The following MROH1 variants were observed in gnomAD, a reference collection of about 807,000 sequenced individuals.
The protein encoded by MROH1 is maestro heat-like repeat-containing protein family member 1.
Under a neutral mutation model 116.5 loss-of-function variants are expected in MROH1, and 117 were observed. The ratio of observed to expected loss-of-function variants is 1.00; its 90% CI spans 0.86 to 1.17. The LOEUF is 1.17. MROH1 is among the 50% of genes most tolerant of loss of function. The pLI is 0.00. For missense variants in MROH1, 1,873 were observed against 1,338.5 expected, an observed-to-expected ratio of 1.40 and a Z score of -6.23; for synonymous variants, 921 against 583.9, an observed-to-expected ratio of 1.58 and a Z score of -8.32.
intron 32 of MROH1, 67 bp downstream of exon 32, chr8:144,249,096 G>A: frequency 5.7e-6 from 4 of 704,796 alleles, no homozygotes; most frequent in South Asian, 1.5e-5. Context: ...GGGACGGGCA[G>A]GGCAGGAGTG....
chr8:144,258,899 C>G lies in MROH1; in HGVS notation c.3914C>G (p.Ala1305Gly). 1.3e-6 allele frequency: 1 copy of G among 757,108 alleles called. No individual in the cohort carries two copies. Among genetic ancestry groups the G allele is most frequent in the South Asian group, 1.4e-5 (1 of 71,122 alleles). 46.9% of individuals were successfully genotyped at this position (757,108 alleles called of 1,614,324 possible). A position where few individuals can be genotyped will look rare whatever the true frequency, so the allele number is the denominator to read the frequency against. Residue 1305 changes from alanine (A) to glycine (G), a missense_variant, in exon 36 of 44, where the codon GCC (alanine) becomes GGC (glycine). Coordinates refer to ENST00000326134, the MANE Select transcript of MROH1 (RefSeq NM_032450.3). ...ACCTCGGCGGGGCATGAGGAGGGGG[C>G]CACCAGGTTGGCCAGGTGAGCGGGC... ...LRTSAGHEEG[A>G]TRLARAMAEH...
At chr8:144,205,506 G>A (rs1564472884) in intron 12 of MROH1, among the ~76,000 whole-genome samples, 1 of 66,070 alleles carries the variant, frequency 1.5e-5, no homozygotes, top group Non-Finnish European at 3.0e-5. Context: ...TAAATCCTTT[G>A]CATATATATA....
chr8:144,197,907 C>T (rs2131742444), intron 10 of MROH1, among the ~76,000 whole-genome samples: 1 of 150,654 alleles, frequency 6.6e-6, no homozygotes, highest in South Asian at 2.1e-4. Context: ...AACCCTGTCT[C>T]TATTAAAAAT....
Position 144,168,381 on chromosome 8 carries a change from G to T in MROH1, c.109G>T (p.Glu37Ter), listed in dbSNP as rs766500583. The stretch of plus-strand genomic sequence containing the variant: ...CTGCAGTGCCCTGTGCTCCCTCGGG[G>T]AGGCGCGGCCGGTGGAGACGCTCCG... ...QVCSALCSLG[E>*]ARPVETLRAC... Residue 37 changes from glutamate (E) to a stop codon, truncating the protein, a stop_gained, in exon 4 of 44, where the codon GAG (glutamate) becomes TAG (stop). Coordinates refer to ENST00000326134, the MANE Select transcript of MROH1 (RefSeq NM_032450.3). LOFTEE classifies it high-confidence loss of function. The T allele has an allele frequency of 6.2e-7, 1 of 1,611,916 alleles. No homozygotes were observed. Among genetic ancestry groups the T allele is most frequent in the South Asian group, 1.1e-5 (1 of 91,078 alleles).
intron 4 of MROH1, among the ~76,000 whole-genome samples, chr8:144,170,779 A>G (rs6558310): frequency 0.99 from 150,601 of 152,320 alleles, 74,470 homozygotes; most frequent in East Asian, 1. Flanking sequence ...CTGTGCCACC[A>G]AGGGGTGCTG....
intron 1 of MROH1, among the ~76,000 whole-genome samples, chr8:144,153,333 A>G (rs1203503083): frequency 6.6e-6 from 1 of 151,422 alleles, no homozygotes; most frequent in Non-Finnish European, 1.5e-5. Flanking sequence ...AGTAGTTGGG[A>G]TTACAGGCAC....
intron 14 of MROH1, among the ~76,000 whole-genome samples, chr8:144,227,753 C>T (rs1838070057): frequency 6.6e-6 from 1 of 152,082 alleles, no homozygotes. Context: ...AGTTTGAGAC[C>T]AGCCTGGGCA....
rs1841885678 is a variant in MROH1 at position 144,246,116 on chromosome 8, C to T, written c.2871+856C>T. On this transcript the variant is annotated intron_variant, in intron 29 of 43. Coordinates refer to ENST00000326134, the MANE Select transcript of MROH1 (RefSeq NM_032450.3). Reference sequence around the variant, plus strand: ...TTTCCTTCCTTCCTTTCTTTCCTTTCTTTCCTTTCTGAGACCGAGTCTCTC... The same window carrying T: ...TTTCCTTCCTTCCTTTCTTTCCTTTTTTTCCTTTCTGAGACCGAGTCTCTC... Among the ~76,000 whole-genome samples the T allele has an allele frequency of 2.3e-5, 3 of 130,200 alleles. No individual in the cohort carries two copies. In the Admixed American group the frequency reaches 2.7e-4, roughly 12 times the overall value. The allele number at this position is 130,200 out of a possible 152,430, so 85.4% of individuals were successfully genotyped here. A position where few individuals can be genotyped will look rare whatever the true frequency, so the allele number is the denominator to read the frequency against.
chr8:144,157,254 G>A (rs1002606357), intron 1 of MROH1, among the ~76,000 whole-genome samples: 14 of 152,208 alleles, frequency 9.2e-5, no homozygotes, highest in African/African-American at 2.9e-4. Context: ...GCTAATTTTT[G>A]TATTTTTAGT....
At chr8:144,164,352 C>T (rs1189155600) in intron 3 of MROH1, among the ~76,000 whole-genome samples, 2 of 150,630 alleles carry the variant, frequency 1.3e-5, no homozygotes, top group African/African-American at 4.9e-5. Context: ...TTGCAGTGAG[C>T]CGAGATCGTG....
Position 144,223,227 on chromosome 8 carries a change from G to A in MROH1, c.1335G>A (p.Gln445=). 6.3e-7 allele frequency: 1 copy of A among 1,599,646 alleles called. No homozygotes were observed. Among genetic ancestry groups the A allele is most frequent in the Non-Finnish European group, 8.5e-7 (1 of 1,173,842 alleles). The part of the protein sequence containing the change: ...IVQQCALPPE[Q]EPEKPGPGSK... ...AGCAGTGCGCGCTGCCCCCCGAGCA[G>A]GAGGTAAGGGGCTGCCACCTTGCCT... Residue 445 remains glutamine, a synonymous_variant, in exon 14 of 44, where the codon CAG becomes CAA. Transcript: ENST00000326134.
chr8:144,261,291 G>T lies in MROH1; in HGVS notation c.4782G>T (p.Leu1594=). 1 of 739,288 alleles carries T rather than the reference G, an allele frequency of 1.4e-6. No homozygotes were observed. The highest frequency in any genetic ancestry group is 2.5e-5 in the East Asian group (1 of 39,876). The allele number at this position is 739,288 out of a possible 1,614,324, so 45.8% of individuals were successfully genotyped here. A position where few individuals can be genotyped will look rare whatever the true frequency, so the allele number is the denominator to read the frequency against. ...RAAAPLFTGF[L]VLHSEPRQQP... The stretch of plus-strand genomic sequence containing the variant: ...GATGCCCCCACTTCACAGGGTTCCT[G>T]GTGCTGCACTCGGAGCCCAGGCAGC... Residue 1594 remains leucine, a synonymous_variant, in exon 43 of 44, where the codon CTG becomes CTT. Coordinates refer to ENST00000326134, the MANE Select transcript of MROH1 (RefSeq NM_032450.3).
intron 10 of MROH1, among the ~76,000 whole-genome samples, chr8:144,194,197 T>C (rs1242937692): frequency 1.3e-5 from 2 of 151,830 alleles, no homozygotes; most frequent in African/African-American, 4.8e-5. Context: ...CAAGTAGCTG[T>C]GGTTACAGGC....
intron 4 of MROH1, among the ~76,000 whole-genome samples, chr8:144,178,141 G>GGT (rs1554789613): frequency 3.1e-4 from 40 of 130,118 alleles, no homozygotes; most frequent in African/African-American, 1.1e-3. Flanking sequence ...TGTTTTTTGT[G>GGT]TTTTTTTTTT....
intron 35 of MROH1, among the ~76,000 whole-genome samples, chr8:144,256,882 C>T (rs1200446845): frequency 1.3e-5 from 2 of 152,214 alleles, no homozygotes; most frequent in East Asian, 1.9e-4. Context: ...CAGCCTGGAG[C>T]GCAGCCCCTG....
intron 1 of MROH1, among the ~76,000 whole-genome samples, chr8:144,155,276 T>C (rs1450289788): frequency 6.6e-6 from 1 of 152,092 alleles, no homozygotes; most frequent in South Asian, 2.1e-4. Flanking sequence ...TTTATGTTTG[T>C]TTAGATTTTT....
chr8:144,213,117 C>T (rs758910610), intron 12 of MROH1: 5 of 772,606 alleles, frequency 6.5e-6, no homozygotes, highest in Non-Finnish European at 9.7e-6. Context: ...GCGTCTGTTG[C>T]TTGAGTCACC....
chr8:144,186,793 T>C (rs1827301268), intron 7 of MROH1, among the ~76,000 whole-genome samples: 1 of 152,176 alleles, frequency 6.6e-6, no homozygotes, highest in Non-Finnish European at 1.5e-5. Context: ...TGTTTATTCT[T>C]ATTAAAAACT....
intron 14 of MROH1, among the ~76,000 whole-genome samples, chr8:144,238,392 G>A (rs1840403761): frequency 6.6e-6 from 1 of 152,190 alleles, no homozygotes; most frequent in Non-Finnish European, 1.5e-5. Flanking sequence ...GCCCACCGTG[G>A]CTGCCGAGGC....
Sources: gnomAD v4.1 joint callset for allele counts (sites outside exome capture counted in the v4.1 genomes callset) on GRCh38, gnomAD v4.1.1 for gene constraint, MANE v1.5 for transcripts, NCBI Gene and HGNC (gene_info 2026-07-23, HGNC 2026-07-21) for gene names.